KCND2: variants seen among roughly 807,000 people sequenced by gnomAD.
The protein encoded by KCND2 is A-type voltage-gated potassium channel KCND2.
In KCND2, 16 loss-of-function variants were observed where a neutral mutation model predicts 54.4. That is an observed-to-expected ratio of 0.29 (90% CI 0.20 to 0.45). The LOEUF (loss-of-function observed/expected upper bound fraction) is 0.45, where lower values mean the gene tolerates loss of function less well. Among genes scored for constraint, KCND2 ranks in the 20% least tolerant of loss-of-function variants. The pLI, the probability that KCND2 is intolerant of heterozygous loss-of-function variation, is 1.00. For missense variants in KCND2, 486 were observed against 824.2 expected (o/e 0.59, Z 5.02); for synonymous variants, 317 against 310.7 (o/e 1.02, Z -0.21).
At chr7:120,402,734 A>G (rs1056876939) in intron 1 of KCND2, among the ~76,000 whole-genome samples, 1 of 152,162 alleles carries the variant, frequency 6.6e-6, no homozygotes, top group Non-Finnish European at 1.5e-5. Context: ...CTTAAAATGA[A>G]CCTGCAAATA....
chr7:120,731,591 G>A (rs187260158), intron 1 of KCND2, among the ~76,000 whole-genome samples: 1 of 152,302 alleles, frequency 6.6e-6, no homozygotes, highest in East Asian at 1.9e-4. Context: ...GTCCATGTCA[G>A]GGTTTAAGCA....
intron 1 of KCND2, among the ~76,000 whole-genome samples, chr7:120,449,455 A>G (rs988452463): frequency 3.3e-5 from 5 of 152,200 alleles, no homozygotes; most frequent in African/African-American, 1.2e-4. Context: ...TCATTTAAGG[A>G]GATTTTAGAT....
chr7:120,729,159 A>T (rs542299894), intron 1 of KCND2, among the ~76,000 whole-genome samples: 9 of 152,186 alleles, frequency 5.9e-5, no homozygotes, highest in Non-Finnish European at 1.3e-4. Flanking sequence ...TGCCAGTGAG[A>T]TATATCCCAT....
chr7:120,689,153 A>T (rs920771680), intron 1 of KCND2, among the ~76,000 whole-genome samples: 1 of 152,146 alleles, frequency 6.6e-6, no homozygotes, highest in Non-Finnish European at 1.5e-5. Context: ...AATGCACAGT[A>T]GTGGGCCGAA....
intron 1 of KCND2, among the ~76,000 whole-genome samples, chr7:120,417,902 G>C (rs1252722433): frequency 6.6e-6 from 1 of 152,278 alleles, no homozygotes; most frequent in South Asian, 2.1e-4. Context: ...CTGCTGTGTA[G>C]ATTTAACAAT....
chr7:120,508,652 C>T (rs1178752956), intron 1 of KCND2, among the ~76,000 whole-genome samples: 1 of 151,898 alleles, frequency 6.6e-6, no homozygotes, highest in African/African-American at 2.4e-5. Context: ...GTGCAAATAC[C>T]TCAAGTTTCA....
intron 1 of KCND2, among the ~76,000 whole-genome samples, chr7:120,657,341 A>G (rs1791815013): frequency 6.6e-6 from 1 of 152,178 alleles, no homozygotes; most frequent in African/African-American, 2.4e-5. Context: ...GAAAACAGGC[A>G]TTGATATCTA....
intron 1 of KCND2, among the ~76,000 whole-genome samples, chr7:120,617,633 C>G (rs1477859649): frequency 6.6e-6 from 1 of 152,148 alleles, no homozygotes; most frequent in Non-Finnish European, 1.5e-5. Context: ...ATCCAGCAAT[C>G]CAGTTACTGG....
intron 1 of KCND2, among the ~76,000 whole-genome samples, chr7:120,574,496 A>G (rs1792402827): frequency 2.6e-5 from 4 of 152,336 alleles, no homozygotes. Context: ...GAATCTTAAC[A>G]TTTAATAAGA....
chr7:120,655,751 T>C (rs1791794109), intron 1 of KCND2, among the ~76,000 whole-genome samples: 1 of 152,074 alleles, frequency 6.6e-6, no homozygotes. Context: ...TACTGCGCTG[T>C]ACCCTCACCC....
rs73721424 is a variant in KCND2, at chr7:120,580,669, T to C, written c.1116-152234T>C. On this transcript the variant is annotated intron_variant, in intron 1 of 5. Transcript: ENST00000331113. ...TTGTGTTCTGTTAATAAGAAAGATATGGTTTTATTTTATCTTGTAAGAAAC... is the reference window on the plus strand; with the variant it reads ...TTGTGTTCTGTTAATAAGAAAGATACGGTTTTATTTTATCTTGTAAGAAAC... Among the ~76,000 whole-genome samples the C allele has an allele frequency of 8.9e-3, 1,360 of 152,362 alleles. 21 individuals carry two copies. The highest frequency in any genetic ancestry group is 0.031 in the African/African-American group (1,270 of 41,584).
At chr7:120,424,100 A>G (rs541240484) in intron 1 of KCND2, among the ~76,000 whole-genome samples, 1 of 152,312 alleles carries the variant, frequency 6.6e-6, no homozygotes, top group East Asian at 1.9e-4. Context: ...TCACAGTGAC[A>G]TTGACAAATT....
intron 1 of KCND2, among the ~76,000 whole-genome samples, chr7:120,420,383 G>A (rs888662881): frequency 6.6e-6 from 1 of 152,190 alleles, no homozygotes; most frequent in Non-Finnish European, 1.5e-5. Flanking sequence ...GCAGTGCCTG[G>A]TAGGGTGGAG....
intron 1 of KCND2, among the ~76,000 whole-genome samples, chr7:120,453,642 A>G: frequency 6.6e-6 from 1 of 152,248 alleles, no homozygotes; most frequent in African/African-American, 2.4e-5. Flanking sequence ...ATTACATTGA[A>G]ATTAGCCTGC....
intron 1 of KCND2, among the ~76,000 whole-genome samples, chr7:120,729,647 C>T (rs953845230): frequency 3.3e-5 from 5 of 152,150 alleles, no homozygotes; most frequent in Admixed American, 2.6e-4. Flanking sequence ...TGTGTCTCTA[C>T]CCAAGAGCAT....
chr7:120,576,190 C>A (rs80246197), intron 1 of KCND2, among the ~76,000 whole-genome samples: 5,520 of 152,138 alleles, frequency 0.036, 284 homozygotes, highest in African/African-American at 0.12. Flanking sequence ...CACACCCACA[C>A]AATATTTGAA....
chr7:120,560,113 T>C lies in KCND2; in HGVS notation c.1116-172790T>C, dbSNP rs1393234521. Among the ~76,000 whole-genome samples, 4 of 152,180 alleles carry C rather than the reference T, an allele frequency of 2.6e-5. No homozygotes were observed. In the South Asian group the frequency reaches 8.3e-4, roughly 31 times the overall value. ...TAAGCAAACAGCATGTTGGCCAAAA[T>C]TGTTGGGTCGTTCTCAGTTAAAATT... On this transcript the variant is annotated intron_variant, in intron 1 of 5. Transcript: ENST00000331113.
intron 1 of KCND2, among the ~76,000 whole-genome samples, chr7:120,486,910 G>A (rs1275796949): frequency 6.6e-6 from 1 of 151,826 alleles, no homozygotes; most frequent in Non-Finnish European, 1.5e-5. Context: ...TAAATGAATT[G>A]AACTATTAAA....
intron 1 of KCND2, among the ~76,000 whole-genome samples, chr7:120,600,476 A>C (rs1363368587): frequency 1.3e-5 from 2 of 152,068 alleles, no homozygotes; most frequent in Admixed American, 1.3e-4. Context: ...CTGTGGACAG[A>C]GTATTAGATA....
Sources: gnomAD v4.1 joint callset for allele counts (sites outside exome capture counted in the v4.1 genomes callset) on GRCh38, gnomAD v4.1.1 for gene constraint, MANE v1.5 for transcripts, NCBI Gene and HGNC (gene_info 2026-07-23, HGNC 2026-07-21) for gene names.